Variants in FIGNL2 observed in about 807,000 individuals in gnomAD.
The protein encoded by FIGNL2 is fidgetin like 2.
For synonymous variants in FIGNL2, 565 were observed against 484.0 expected (o/e 1.17, Z -2.20); for missense variants, 1,060 against 950.2 (o/e 1.12, Z -1.52).
intron 1 of FIGNL2, among the ~76,000 whole-genome samples, chr12:51,834,090 C>CGGATGGGT: frequency 7.5e-6 from 1 of 132,808 alleles, no homozygotes; most frequent in African/African-American, 2.9e-5. Context: ...GACAGACAGA[C>CGGATGGGT]GGATGGGTGG....
intron 1 of FIGNL2, chr12:51,847,067 C>A (rs1040073145): frequency 1.7e-5 from 17 of 985,238 alleles, no homozygotes; most frequent in Non-Finnish European, 1.8e-5. Context: ...GTACCCGCGT[C>A]CCACAGCTGG....
In FIGNL2 at chr12:51,820,771, C is replaced by T. The variant is rs1939158022; in HGVS notation, c.1643G>A (p.Arg548His). The T allele has an allele frequency of 1.7e-5, 25 of 1,482,732 alleles. No homozygotes were observed. Among genetic ancestry groups the T allele is most frequent in the South Asian group, 6.4e-5 (5 of 78,514 alleles). The allele number at this position is 1,482,732 out of a possible 1,614,324, so 91.8% of individuals were successfully genotyped here. A position where few individuals can be genotyped will look rare whatever the true frequency, so the allele number is the denominator to read the frequency against. ...PAALDEATRR[R>H]FSLRFYVALP... is the part of the protein sequence containing the mutation. ...CGCCACGTAGAAGCGGAGAGAGAAG[C>T]GCCGGCGGGTCGCCTCGTCCAGAGC... is the stretch of plus-strand genomic sequence containing the variant. The change falls in exon 2 of 2, where the codon CGC (arginine) becomes CAC (histidine). Residue 548 changes from arginine (R) to histidine (H), a missense_variant. Coordinates refer to ENST00000618634, the MANE Select transcript of FIGNL2 (RefSeq NM_001384995.1).
At chr12:51,831,772 C>G (rs1264798043) in intron 1 of FIGNL2, 1 of 154,426 alleles carries the variant, frequency 6.5e-6, no homozygotes, top group Non-Finnish European at 1.5e-5. Context: ...CCATTTCCCT[C>G]TCTGCTGGGT....
At chr12:51,832,858 C>T (rs1248210898) in intron 1 of FIGNL2, among the ~76,000 whole-genome samples, 1 of 152,202 alleles carries the variant, frequency 6.6e-6, no homozygotes, top group Non-Finnish European at 1.5e-5. Flanking sequence ...CATCCGCAAC[C>T]TAGCCCTCCC....
chr12:51,847,872 C>G lies in FIGNL2; in HGVS notation c.-12+668G>C, dbSNP rs529090715. On this transcript the variant is annotated intron_variant, in intron 1 of 1. Transcript: ENST00000618634. ...AGAGCTGGGCGCTCCGGGGGTCCCC[C>G]TTGTTGCCTGTAGCCCCAGGGTGAA... is the stretch of plus-strand genomic sequence containing the variant. 1.1e-5 allele frequency: 11 copies of G among 973,646 alleles called. No individual in the cohort carries two copies. The African/African-American group carries it at 1.9e-4, about 17-fold the overall frequency. 60.3% of individuals were successfully genotyped at this position (973,646 alleles called of 1,614,324 possible). A position where few individuals can be genotyped will look rare whatever the true frequency, so the allele number is the denominator to read the frequency against.
chr12:51,833,598 C>A (rs1248363308), intron 1 of FIGNL2, among the ~76,000 whole-genome samples: 1 of 152,106 alleles, frequency 6.6e-6, no homozygotes, highest in Non-Finnish European at 1.5e-5. Context: ...ACACCCTGGC[C>A]TCCTCACAGC....
Position 51,839,574 on chromosome 12 carries a change from CT to C in FIGNL2, c.-12+8965del, listed in dbSNP as rs536830954. On this transcript the variant is annotated intron_variant, in intron 1 of 1. Coordinates refer to ENST00000618634, the MANE Select transcript of FIGNL2 (RefSeq NM_001384995.1). The stretch of plus-strand genomic sequence containing the variant: ...ACCAAGCACAGAGACGATGTTAACC[CT>C]TCAGCCTGGCACCAGAGGTGGATGA... Among the ~76,000 whole-genome samples the C allele has an allele frequency of 1.5e-3, 234 of 152,326 alleles. 2 individuals are homozygous for C. Among genetic ancestry groups the C allele is most frequent in the African/African-American group, 5.6e-3 (232 of 41,564 alleles).
intron 1 of FIGNL2, among the ~76,000 whole-genome samples, chr12:51,837,425 C>T (rs895164121): frequency 1.4e-4 from 22 of 152,176 alleles, no homozygotes; most frequent in African/African-American, 4.3e-4. Flanking sequence ...TGGGGCCTGC[C>T]GGTACCCCCT....
chr12:51,828,819 C>T (rs1301420603), intron 1 of FIGNL2, among the ~76,000 whole-genome samples: 1 of 152,212 alleles, frequency 6.6e-6, no homozygotes, highest in African/African-American at 2.4e-5. Flanking sequence ...CCACTTTCTT[C>T]ATCTGTCCAT....
intron 1 of FIGNL2, chr12:51,828,541 A>G (rs1483878123): frequency 1.3e-5 from 2 of 152,102 alleles, no homozygotes; most frequent in East Asian, 1.9e-4. Flanking sequence ...CCCTCCCCTC[A>G]TTTTTAGGAA....
At chr12:51,843,711 G>T (rs1939699031) in intron 1 of FIGNL2, among the ~76,000 whole-genome samples, 1 of 152,162 alleles carries the variant, frequency 6.6e-6, no homozygotes, top group African/African-American at 2.4e-5. Flanking sequence ...AGGCATCCAT[G>T]CTGCCTCTCC....
Position 51,834,109 on chromosome 12 carries a change from T to TTGGATGGATGGTTGGA in FIGNL2, c.-11-11686_-11-11685insTCCAACCATCCATCCA, listed in dbSNP as rs1555234034. ...GACAGACGGATGGGTGGATGGATGG[T>TTGGATGGATGGTTGGA]TGGATGGATGGATGGATGGATGGAT... On this transcript the variant is annotated intron_variant, in intron 1 of 1. Transcript: ENST00000618634. Among the ~76,000 whole-genome samples the TTGGATGGATGGTTGGA allele has an allele frequency of 2.2e-5, 3 of 133,902 alleles. 1 individual carries two copies. The highest frequency in any genetic ancestry group is 5.0e-5 in the Non-Finnish European group (3 of 60,510). 87.8% of individuals were successfully genotyped at this position (133,902 alleles called of 152,430 possible). A position where few individuals can be genotyped will look rare whatever the true frequency, so the allele number is the denominator to read the frequency against.
rs1939078799 is a variant in FIGNL2, at chr12:51,817,950, C to T, written c.*2502G>A. 2 of 152,528 alleles carry T rather than the reference C, an allele frequency of 1.3e-5. No homozygotes were observed. The highest frequency in any genetic ancestry group is 2.9e-5 in the Non-Finnish European group (2 of 68,038). The allele number at this position is 152,528 out of a possible 1,614,324, so 9.4% of individuals were successfully genotyped here. A position where few individuals can be genotyped will look rare whatever the true frequency, so the allele number is the denominator to read the frequency against. ...AATACTTTCTTTTAAAATACAGTCT[C>T]TTCTGAGGTAGACAGACCACAACTG... On this transcript the variant is annotated 3_prime_UTR_variant, in exon 2 of 2. Coordinates refer to ENST00000618634, the MANE Select transcript of FIGNL2 (RefSeq NM_001384995.1).
chr12:51,839,941 A>G (rs1368887261), intron 1 of FIGNL2, among the ~76,000 whole-genome samples: 1 of 152,238 alleles, frequency 6.6e-6, no homozygotes, highest in African/African-American at 2.4e-5. Context: ...GCCACTGGGA[A>G]CGAGGATGAC....
chr12:51,822,372 C>A lies in FIGNL2; in HGVS notation c.42G>T (p.Trp14Cys). The change falls in exon 2 of 2, where the codon TGG (tryptophan) becomes TGT (cysteine). Residue 14 changes from tryptophan to cysteine, a missense_variant. Trp to Cys is a radical substitution (Grantham distance 215). Coordinates refer to ENST00000618634, the MANE Select transcript of FIGNL2 (RefSeq NM_001384995.1). ...TPEHAQPLNQ[W>C]PEQHLDVSST... ...AGGAGACGTCCAGGTGCTGCTCTGG[C>A]CACTGGTTGAGGGGCTGGGCGTGTT... 1 of 1,613,718 alleles carries A rather than the reference C, an allele frequency of 6.2e-7. No individual in the cohort carries two copies. Among genetic ancestry groups the A allele is most frequent in the Non-Finnish European group, 8.5e-7 (1 of 1,179,826 alleles).
At chr12:51,842,677 C>T (rs1208446772) in intron 1 of FIGNL2, among the ~76,000 whole-genome samples, 1 of 152,066 alleles carries the variant, frequency 6.6e-6, no homozygotes, top group Non-Finnish European at 1.5e-5. Context: ...AAAAGGCAAT[C>T]TGCTCAGGAC....
rs1346483836 is a variant in FIGNL2 at position 51,822,256 on chromosome 12, G to A, written c.158C>T (p.Ala53Val). 4.3e-6 allele frequency: 7 copies of A among 1,611,466 alleles called. No individual in the cohort carries two copies. Among genetic ancestry groups the A allele is most frequent in the Non-Finnish European group, 5.9e-6 (7 of 1,178,846 alleles). ...HYAWAHDDISALTASNLLKRY... is the reference protein window; with the variant it reads ...HYAWAHDDISVLTASNLLKRY... ...CTTTAGGAGGTTGGAGGCAGTGAGG[G>A]CTGAGATGTCGTCGTGTGCCCAAGC... Residue 53 changes from alanine to valine, a missense_variant, in exon 2 of 2, where the codon GCC (alanine) becomes GTC (valine). Coordinates refer to ENST00000618634, the MANE Select transcript of FIGNL2 (RefSeq NM_001384995.1).
intron 1 of FIGNL2, chr12:51,847,053 C>T (rs910478732): frequency 1.0e-6 from 1 of 985,374 alleles, no homozygotes; most frequent in East Asian, 1.1e-4. Flanking sequence ...CGCGCGGCCG[C>T]CCGGTACCCG....
At position 51,848,616 on chromosome 12, in the gene FIGNL2, G is replaced by C; in HGVS notation, c.-88C>G. On this transcript the variant is annotated 5_prime_UTR_variant, in exon 1 of 2. Transcript: ENST00000618634. The stretch of plus-strand genomic sequence containing the variant: ...CCGGCCCGGGGACCGGGGCGGCGGC[G>C]CGGGCCGGGGGCGACAGGCCTGGGC... 1.2e-6 allele frequency: 1 copy of C among 851,068 alleles called. No homozygotes were observed. The highest frequency in any genetic ancestry group is 5.4e-5 in the South Asian group (1 of 18,682). 52.7% of individuals were successfully genotyped at this position (851,068 alleles called of 1,614,324 possible).
Sources: allele counts gnomAD v4.1 joint callset (sites outside exome capture counted in the v4.1 genomes callset), GRCh38; gene constraint gnomAD v4.1.1; transcripts MANE v1.5; gene names NCBI Gene and HGNC (gene_info 2026-07-23, HGNC 2026-07-21).